ARHGAP39: variants seen among roughly 807,000 people sequenced by gnomAD.
The protein encoded by ARHGAP39 is Rho GTPase activating protein 39, also known as rho GTPase-activating protein 39.
ARHGAP39 carries 44 observed loss-of-function variants against 106.9 expected under a neutral mutation model. That is an observed-to-expected ratio of 0.41 (90% confidence interval 0.32 to 0.53). The LOEUF (loss-of-function observed/expected upper bound fraction) is 0.53. ARHGAP39 is among the 20% of genes least tolerant of loss of function. The probability of loss-of-function intolerance (pLI) is 0.21; values close to 1 mark genes in which losing one functional copy is unlikely to be tolerated. For missense variants in ARHGAP39, 1,496 were observed against 1,577.3 expected, an observed-to-expected ratio of 0.95 and a Z score of 0.87; for synonymous variants, 768 against 693.2, an observed-to-expected ratio of 1.11 and a Z score of -1.69.
chr8:144,607,262 C>T (rs925752674), intron 1 of ARHGAP39, among the ~76,000 whole-genome samples: 2 of 148,574 alleles, frequency 1.3e-5, no homozygotes, highest in Admixed American at 6.7e-5. Flanking sequence ...AAAAAAAAGC[C>T]AGACACAACT....
At chr8:144,602,147 A>G (rs1170361063) in intron 2 of ARHGAP39, among the ~76,000 whole-genome samples, 5 of 103,544 alleles carry the variant, frequency 4.8e-5, no homozygotes, top group Admixed American at 3.4e-4. Context: ...GAGCTCATGT[A>G]CCTGTGTGTG....
chr8:144,682,202 G>A (rs1302883533), intron 1 of ARHGAP39, among the ~76,000 whole-genome samples: 11 of 123,762 alleles, frequency 8.9e-5, no homozygotes, highest in Admixed American at 5.0e-4. Context: ...CCGAGATCTC[G>A]CCACTGCACT....
intron 1 of ARHGAP39, among the ~76,000 whole-genome samples, chr8:144,674,384 G>A (rs1257420580): frequency 3.3e-5 from 5 of 152,206 alleles, no homozygotes; most frequent in African/African-American, 4.8e-5. Context: ...GAGGAGACTC[G>A]GACTGGTTAG....
At chr8:144,618,518 C>A (rs1362763873) in intron 1 of ARHGAP39, among the ~76,000 whole-genome samples, 1 of 152,256 alleles carries the variant, frequency 6.6e-6, no homozygotes, top group Admixed American at 6.5e-5. Flanking sequence ...TACCCAGAGA[C>A]CTGCCTGAGG....
the ARHGAP39 span, among the ~76,000 whole-genome samples, chr8:144,697,282 A>G: frequency 4.7e-5 from 7 of 150,264 alleles, no homozygotes; most frequent in African/African-American, 1.7e-4. Flanking sequence ...GTAAGCTGAC[A>G]TCGTGGCTTG....
At chr8:144,542,491 C>T (rs992614945) in intron 6 of ARHGAP39, among the ~76,000 whole-genome samples, 1 of 152,172 alleles carries the variant, frequency 6.6e-6, no homozygotes, top group Admixed American at 6.5e-5. Flanking sequence ...TTTCCTTTTT[C>T]TAAGAACTGT....
At chr8:144,652,953 A>T (rs752997641) in intron 1 of ARHGAP39, among the ~76,000 whole-genome samples, 16 of 152,280 alleles carry the variant, frequency 1.1e-4, no homozygotes, top group Admixed American at 6.5e-5. Context: ...GGAAAAGTCC[A>T]ATTTATCAGG....
chr8:144,649,999 C>A (rs187766612), intron 1 of ARHGAP39, among the ~76,000 whole-genome samples: 1 of 151,666 alleles, frequency 6.6e-6, no homozygotes, highest in Non-Finnish European at 1.5e-5. Context: ...AAAAACCAGC[C>A]GGGCATGGTG....
intron 2 of ARHGAP39, among the ~76,000 whole-genome samples, chr8:144,584,685 C>A (rs1819116661): frequency 6.6e-6 from 1 of 152,184 alleles, no homozygotes; most frequent in African/African-American, 2.4e-5. Flanking sequence ...ATCCCTTGAA[C>A]CCGGGAGGCA....
chr8:144,617,670 T>C (rs1191188771), intron 1 of ARHGAP39, among the ~76,000 whole-genome samples: 1 of 152,222 alleles, frequency 6.6e-6, no homozygotes, highest in Non-Finnish European at 1.5e-5. Context: ...AGTGAGGTTT[T>C]TGTTCTTTTA....
At chr8:144,631,718 C>T (rs1416749033) in intron 1 of ARHGAP39, among the ~76,000 whole-genome samples, 1 of 152,230 alleles carries the variant, frequency 6.6e-6, no homozygotes, top group African/African-American at 2.4e-5. Flanking sequence ...CCCAAAGAAA[C>T]CTGTGCAGAG....
chr8:144,542,238 G>A (rs996812606), intron 6 of ARHGAP39, among the ~76,000 whole-genome samples: 2 of 152,218 alleles, frequency 1.3e-5, no homozygotes, highest in Admixed American at 6.5e-5. Context: ...CCTGTTGAGG[G>A]AGGTCCTGGG....
chr8:144,545,225 G>A, intron 6 of ARHGAP39, 24 bp downstream of exon 6: 1 of 1,488,068 alleles, frequency 6.7e-7, no homozygotes, highest in South Asian at 1.4e-5. Flanking sequence ...CTGAGCTGGT[G>A]GCAAAGCCCG....
At chr8:144,564,623 G>A (rs1161894298) in intron 3 of ARHGAP39, among the ~76,000 whole-genome samples, 4 of 152,082 alleles carry the variant, frequency 2.6e-5, no homozygotes, top group African/African-American at 7.2e-5. Flanking sequence ...AAGTAGAGAC[G>A]TAGAATATAC....
intron 1 of ARHGAP39, among the ~76,000 whole-genome samples, chr8:144,607,198 T>C (rs2130948803): frequency 7.3e-6 from 1 of 137,600 alleles, no homozygotes; most frequent in Non-Finnish European, 1.5e-5. Context: ...ATCCCGCCAC[T>C]GCGCTCCAGC....
At chr8:144,608,723 C>G (rs1820383684) in intron 1 of ARHGAP39, among the ~76,000 whole-genome samples, 1 of 152,178 alleles carries the variant, frequency 6.6e-6, no homozygotes, top group Non-Finnish European at 1.5e-5. Flanking sequence ...TAAATCTGAT[C>G]TGGGAGCAAA....
In ARHGAP39 at chr8:144,645,887, C is replaced by G. The variant is rs935862548; in HGVS notation, c.-82+39799G>C. ...CACCTGCAGATGCTCCCGGATGGAG[C>G]TGGCCTTGCCTGGGTGCTGGTGCAA... On this transcript the variant is annotated intron_variant, in intron 1 of 11. Transcript: ENST00000377307. This position sits in a 1 kb window ranked among gnomAD's most constrained non-coding sequence, Gnocchi z 4.4. 1.3e-5 allele frequency among the ~76,000 whole-genome samples: 2 copies of G among 152,240 alleles called. No individual in the cohort carries two copies. The highest frequency in any genetic ancestry group is 4.8e-5 in the African/African-American group (2 of 41,454).
chr8:144,540,857 ATAAT>A (rs1363561603), intron 6 of ARHGAP39, among the ~76,000 whole-genome samples: 9 of 152,284 alleles, frequency 5.9e-5, no homozygotes, highest in African/African-American at 2.2e-4. Flanking sequence ...AATAAAAGAC[ATAAT>A]TAATTAATTT....
chr8:144,537,947 C>T (rs944122949), intron 6 of ARHGAP39, 134 bp from the exon 7 acceptor site: 26 of 746,798 alleles, frequency 3.5e-5, no homozygotes, highest in African/African-American at 5.3e-5. Context: ...GGGGGCTGAG[C>T]GTTTCTGGGG....
Sources: gnomAD v4.1 joint callset for allele counts (sites outside exome capture counted in the v4.1 genomes callset) on GRCh38, gnomAD v4.1.1 for gene constraint, Gnocchi (gnomAD v3.1) non-coding constraint, MANE v1.5 for transcripts, NCBI Gene and HGNC (gene_info 2026-07-23, HGNC 2026-07-21) for gene names.